The following ADARB2 variants were observed in gnomAD, a reference collection of about 807,000 sequenced individuals.
The protein encoded by ADARB2 is inactive double-stranded RNA-specific editase B2.
Under a neutral mutation model 62.2 loss-of-function variants are expected in ADARB2, and 25 were observed. The observed-to-expected ratio is 0.40, with a 90% CI of 0.29 to 0.56. ADARB2 has a LOEUF of 0.56. ADARB2 is among the 20% of genes least tolerant of loss of function. The pLI is 0.43. For missense variants in ADARB2, 1,071 were observed against 1,077.4 expected (o/e 0.99, Z 0.08); for synonymous variants, 572 against 500.8 (o/e 1.14, Z -1.90).
intron 6 of ADARB2, among the ~76,000 whole-genome samples, chr10:1,221,007 C>A (rs1279287532): frequency 1.3e-5 from 2 of 152,192 alleles, no homozygotes; most frequent in Non-Finnish European, 2.9e-5. Flanking sequence ...TGAGTTTGAG[C>A]AGCCCCAGGG....
At chr10:1,369,984 C>T (rs1295937680) in intron 2 of ADARB2, among the ~76,000 whole-genome samples, 1 of 152,204 alleles carries the variant, frequency 6.6e-6, no homozygotes, top group African/African-American at 2.4e-5. Context: ...ATGGAACCTA[C>T]CACATGGGCC....
chr10:1,360,767 G>A (rs1317061325), intron 3 of ADARB2, among the ~76,000 whole-genome samples: 1 of 152,204 alleles, frequency 6.6e-6, no homozygotes, highest in Non-Finnish European at 1.5e-5. Flanking sequence ...CAGTCGGGGT[G>A]GTTAGGGACT....
At chr10:1,250,684 T>G (rs917069696) in intron 4 of ADARB2, among the ~76,000 whole-genome samples, 1 of 152,184 alleles carries the variant, frequency 6.6e-6, no homozygotes, top group African/African-American at 2.4e-5. Flanking sequence ...AAACCACTAT[T>G]TTTTATAAAG....
intron 1 of ADARB2, chr10:1,678,249 G>T (rs1834491970): frequency 1.0e-6 from 1 of 985,104 alleles, no homozygotes; most frequent in Admixed American, 6.2e-5. Flanking sequence ...TGTCCTCGGG[G>T]TGAGCATCCT....
intron 1 of ADARB2, among the ~76,000 whole-genome samples, chr10:1,531,987 A>G (rs1832248937): frequency 1.3e-5 from 2 of 152,294 alleles, no homozygotes; most frequent in Middle Eastern, 3.4e-3. Flanking sequence ...AAAAAACACC[A>G]TCCGGTATTG....
intron 3 of ADARB2, among the ~76,000 whole-genome samples, chr10:1,318,956 C>A (rs1358272403): frequency 6.6e-6 from 1 of 152,168 alleles, no homozygotes; most frequent in African/African-American, 2.4e-5. Context: ...ATGTGGCCAG[C>A]GGCCTTAATT....
intron 1 of ADARB2, among the ~76,000 whole-genome samples, chr10:1,638,986 C>T (rs193187606): frequency 1.3e-5 from 2 of 152,190 alleles, no homozygotes; most frequent in Non-Finnish European, 2.9e-5. Flanking sequence ...GGGAAGAAGC[C>T]GTCTTGGCGA....
intron 1 of ADARB2, among the ~76,000 whole-genome samples, chr10:1,459,617 G>A (rs1831141964): frequency 6.6e-6 from 1 of 152,212 alleles, no homozygotes; most frequent in South Asian, 2.1e-4. Flanking sequence ...TACAAAATTA[G>A]CTGGGCGTGT....
chr10:1,444,173 C>G (rs529413302), intron 1 of ADARB2, among the ~76,000 whole-genome samples: 5 of 149,142 alleles, frequency 3.4e-5, no homozygotes, highest in African/African-American at 1.2e-4. Flanking sequence ...CACCCACCCA[C>G]TTACTCATTC....
chr10:1,190,971 C>A (rs558529775), intron 8 of ADARB2, among the ~76,000 whole-genome samples: 1 of 152,340 alleles, frequency 6.6e-6, no homozygotes, highest in East Asian at 1.9e-4. Flanking sequence ...GGCAGCCCCA[C>A]GCTCTGGGCC....
intron 1 of ADARB2, among the ~76,000 whole-genome samples, chr10:1,424,476 C>T (rs1651190080): frequency 1.3e-5 from 2 of 152,028 alleles, no homozygotes; most frequent in South Asian, 2.1e-4. Context: ...TGTGGATTCT[C>T]GCGGATATTT....
At chr10:1,658,058 G>C (rs1564360305) in intron 1 of ADARB2, among the ~76,000 whole-genome samples, 1 of 147,954 alleles carries the variant, frequency 6.8e-6, no homozygotes, top group Non-Finnish European at 1.5e-5. Flanking sequence ...TGTCTCTACT[G>C]TCTCTCTCTG....
intron 5 of ADARB2, among the ~76,000 whole-genome samples, chr10:1,235,186 G>C (rs1240695344): frequency 1.3e-5 from 2 of 148,872 alleles, no homozygotes; most frequent in African/African-American, 2.5e-5. Flanking sequence ...GACGTAGCCT[G>C]AGTGGGCAGC....
chr10:1,192,794 A>T (rs942200366), intron 8 of ADARB2, among the ~76,000 whole-genome samples: 5 of 152,134 alleles, frequency 3.3e-5, no homozygotes, highest in African/African-American at 7.2e-5. Context: ...ACAAAAAAAA[A>T]TTAGCCAGCC....
At chr10:1,517,574 G>T (rs1564314796) in intron 1 of ADARB2, among the ~76,000 whole-genome samples, 1 of 152,130 alleles carries the variant, frequency 6.6e-6, no homozygotes, top group East Asian at 1.9e-4. Context: ...TTATTTTCCT[G>T]GTCTGCCCCC....
intron 4 of ADARB2, among the ~76,000 whole-genome samples, chr10:1,253,052 T>G (rs972114834): frequency 2.6e-5 from 4 of 152,240 alleles, no homozygotes; most frequent in African/African-American, 9.6e-5. Flanking sequence ...AGGGCACAGG[T>G]AGCCCTGTTT....
At chr10:1,316,827 C>T (rs188509526) in intron 3 of ADARB2, among the ~76,000 whole-genome samples, 1 of 152,360 alleles carries the variant, frequency 6.6e-6, no homozygotes, top group Admixed American at 6.5e-5. Flanking sequence ...GAAGGAAATA[C>T]TAAAATGATA....
chr10:1,510,110 C>CTCTTTCTTTCTTTCTTTCTTTCTT lies in ADARB2; in HGVS notation c.101-130974_101-130951dup, dbSNP rs35894676. Among the ~76,000 whole-genome samples the CTCTTTCTTTCTTTCTTTCTTTCTT allele has an allele frequency of 2.7e-3, 290 of 106,236 alleles. 5 individuals carry two copies. Among genetic ancestry groups the CTCTTTCTTTCTTTCTTTCTTTCTT allele is most frequent in the Middle Eastern group, 8.8e-3 (2 of 226 alleles). The allele number at this position is 106,236 out of a possible 152,430, so 69.7% of individuals were successfully genotyped here. A position where few individuals can be genotyped will look rare whatever the true frequency, so the allele number is the denominator to read the frequency against. On this transcript the variant is annotated intron_variant, in intron 1 of 9. Coordinates refer to ENST00000381312, the MANE Select transcript of ADARB2 (RefSeq NM_018702.4). ...CTCTCTCTCTCTTTTCTTTCTTTCT[C>CTCTTTCTTTCTTTCTTTCTTTCTT]TCTTTCTTTCTTTCTTTCTTTCTTT...
chr10:1,545,587 C>CGTGGAT (rs994733916), intron 1 of ADARB2, among the ~76,000 whole-genome samples: 1 of 152,182 alleles, frequency 6.6e-6, no homozygotes, highest in African/African-American at 2.4e-5. Flanking sequence ...AAGATGGCCT[C>CGTGGAT]GGTTAGCCAG....
Sources: allele counts gnomAD v4.1 joint callset (sites outside exome capture counted in the v4.1 genomes callset), GRCh38; gene constraint gnomAD v4.1.1; transcripts MANE v1.5; gene names NCBI Gene and HGNC (gene_info 2026-07-23, HGNC 2026-07-21).